The following ANKS1B variants were observed in gnomAD, a reference collection of about 807,000 sequenced individuals.
ANKS1B encodes ankyrin repeat and sterile alpha motif domain containing 1B.
ANKS1B carries 36 observed loss-of-function variants against 148.3 expected under a neutral mutation model. That is an observed-to-expected ratio of 0.24 (90% CI 0.19 to 0.32). ANKS1B has a LOEUF of 0.32. Among genes scored for constraint, ANKS1B ranks in the 10% least tolerant of loss-of-function variants. The pLI, the probability that ANKS1B is intolerant of heterozygous loss-of-function variation, is 1.00. For missense variants in ANKS1B, 1,157 were observed against 1,542.6 expected (o/e 0.75, Z 4.19); for synonymous variants, 542 against 560.8 (o/e 0.97, Z 0.47).
chr12:99,772,909 C>G lies in ANKS1B; in HGVS notation c.1128+13G>C, dbSNP rs375331937. 2.7e-5 allele frequency: 44 copies of G among 1,605,126 alleles called. No individual in the cohort carries two copies. The African/African-American group carries it at 5.6e-4, about 21-fold the overall frequency. On this transcript the variant is annotated intron_variant, in intron 8 of 26. Coordinates refer to ENST00000683438, the MANE Select transcript of ANKS1B (RefSeq NM_001352186.2). ...ACAGACACATTATCTTCATTCCCCC[C>G]CGCCTTACTTACTACACTCTGGCTT...
At chr12:98,740,162 A>G (rs1032233127), downstream of ANKS1B, among the ~76,000 whole-genome samples, 1 of 152,072 alleles carries the variant, frequency 6.6e-6, no homozygotes, top group Non-Finnish European at 1.5e-5. Context: ...TGTCAAGTGG[A>G]TCTAAGTTCA....
intron 17 of ANKS1B, among the ~76,000 whole-genome samples, chr12:98,874,926 G>A (rs987417790): frequency 8.6e-5 from 13 of 152,008 alleles, no homozygotes; most frequent in African/African-American, 2.7e-4. Context: ...GTAAATTTTA[G>A]GTTCAAAAAG....
At chr12:99,973,893 A>G (rs1254693574) in intron 1 of ANKS1B, among the ~76,000 whole-genome samples, 2 of 152,234 alleles carry the variant, frequency 1.3e-5, no homozygotes, top group Non-Finnish European at 2.9e-5. Context: ...AAACATCAAC[A>G]AAGGATTTAT....
chr12:99,646,868 G>A (rs2098374178), intron 9 of ANKS1B, among the ~76,000 whole-genome samples: 1 of 150,438 alleles, frequency 6.6e-6, no homozygotes, highest in Non-Finnish European at 1.5e-5. Flanking sequence ...GAGCATAAAT[G>A]TGATGTTTAA....
Position 99,694,858 on chromosome 12 carries a change from G to A in ANKS1B, c.1129-39648C>T, listed in dbSNP as rs2053653252. ...CTCTGGGAAATCTATGCTTCAGCTT[G>A]AAAATGTCCACTAAGAAGCTCATGC... On this transcript the variant is annotated intron_variant, in intron 8 of 26. Transcript: ENST00000683438. Among the ~76,000 whole-genome samples, 4 of 152,262 alleles carry A rather than the reference G, an allele frequency of 2.6e-5. No homozygotes were observed. In the South Asian group the frequency reaches 8.3e-4, roughly 32 times the overall value.
chr12:99,331,411 A>G (rs1185847126), intron 12 of ANKS1B, among the ~76,000 whole-genome samples: 2 of 152,086 alleles, frequency 1.3e-5, no homozygotes, highest in East Asian at 1.9e-4. Context: ...ATGCTTTACA[A>G]CCTCCTGCAG....
chr12:99,910,310 G>A (rs529583840), intron 1 of ANKS1B, among the ~76,000 whole-genome samples: 15 of 124,492 alleles, frequency 1.2e-4, no homozygotes, highest in African/African-American at 3.5e-4. Context: ...AGCCGAGATC[G>A]CACCACTGCA....
intron 10 of ANKS1B, among the ~76,000 whole-genome samples, chr12:99,485,078 GT>G (rs1172077408): frequency 6.6e-6 from 1 of 151,560 alleles, no homozygotes; most frequent in Non-Finnish European, 1.5e-5. Flanking sequence ...TTTTTACTTA[GT>G]TTTTTTCATT....
chr12:99,672,363 A>G (rs1308925453), intron 8 of ANKS1B, among the ~76,000 whole-genome samples: 1 of 152,146 alleles, frequency 6.6e-6, no homozygotes, highest in East Asian at 1.9e-4. Flanking sequence ...CTCTTCATCT[A>G]TGGATTTCCA....
intron 17 of ANKS1B, among the ~76,000 whole-genome samples, chr12:98,849,648 T>C (rs968030897): frequency 6.6e-6 from 1 of 152,214 alleles, no homozygotes; most frequent in Non-Finnish European, 1.5e-5. Context: ...AGGAACTTAA[T>C]AAAATATAAG....
intron 10 of ANKS1B, among the ~76,000 whole-genome samples, chr12:99,465,449 C>T (rs1204836012): frequency 6.6e-6 from 1 of 152,262 alleles, no homozygotes; most frequent in East Asian, 1.9e-4. Flanking sequence ...ACAGTATTAA[C>T]TTTAAATGTA....
intron 19 of ANKS1B, among the ~76,000 whole-genome samples, chr12:98,809,246 A>G (rs2099075248): frequency 6.6e-6 from 1 of 152,174 alleles, no homozygotes; most frequent in African/African-American, 2.4e-5. Context: ...TTATACATCC[A>G]TAGAGGGTTC....
At chr12:99,207,650 A>G (rs1013558205) in intron 14 of ANKS1B, among the ~76,000 whole-genome samples, 9 of 152,094 alleles carry the variant, frequency 5.9e-5, no homozygotes, top group African/African-American at 2.2e-4. Flanking sequence ...AAACTTACTA[A>G]GGGTTAAAAA....
intron 14 of ANKS1B, among the ~76,000 whole-genome samples, chr12:99,163,181 T>G (rs2076851531): frequency 6.6e-6 from 1 of 152,234 alleles, no homozygotes; most frequent in Admixed American, 6.5e-5. Flanking sequence ...TAATAGTTCA[T>G]AATGTGGATA....
chr12:99,603,150 C>A (rs1247890839), intron 9 of ANKS1B, among the ~76,000 whole-genome samples: 3 of 151,930 alleles, frequency 2.0e-5, no homozygotes, highest in Non-Finnish European at 4.4e-5. Context: ...CAAGCGATTC[C>A]CCTGCCTCAG....
intron 8 of ANKS1B, among the ~76,000 whole-genome samples, chr12:99,699,600 T>C (rs1384095769): frequency 6.6e-6 from 1 of 152,176 alleles, no homozygotes; most frequent in African/African-American, 2.4e-5. Context: ...GTATTGCTGT[T>C]TTAAATATCC....
At chr12:99,868,639 T>A (rs1393605060) in intron 1 of ANKS1B, among the ~76,000 whole-genome samples, 2 of 152,048 alleles carry the variant, frequency 1.3e-5, no homozygotes, top group Non-Finnish European at 2.9e-5. Context: ...TTTCTATATA[T>A]CAGCAGTTAA....
intron 10 of ANKS1B, among the ~76,000 whole-genome samples, chr12:99,499,986 C>T (rs1488419857): frequency 1.3e-5 from 2 of 150,700 alleles, no homozygotes; most frequent in African/African-American, 4.9e-5. Context: ...GCCAAAAGGG[C>T]CAAGGAAGGA....
chr12:98,794,705 C>T (rs1011091547), intron 22 of ANKS1B: 6 of 949,384 alleles, frequency 6.3e-6, no homozygotes, highest in South Asian at 1.3e-5. Context: ...ATTTGAAAAC[C>T]GTAGAAATGA....
Sources: gnomAD v4.1 joint callset for allele counts (sites outside exome capture counted in the v4.1 genomes callset) on GRCh38, gnomAD v4.1.1 for gene constraint, MANE v1.5 for transcripts, NCBI Gene and HGNC (gene_info 2026-07-23, HGNC 2026-07-21) for gene names.